The following TCF12 variants were observed in gnomAD, a reference collection of about 807,000 sequenced individuals.
The protein encoded by TCF12 is DNA-binding protein HTF4.
A neutral mutation model predicts 86.0 loss-of-function variants in TCF12; 45 were observed. The ratio of observed to expected loss-of-function variants is 0.52; its 90% CI spans 0.41 to 0.67. TCF12 has a LOEUF of 0.67. Among genes scored for constraint, TCF12 ranks in the 30% least tolerant of loss-of-function variants. The pLI is 0.00. For synonymous variants in TCF12, 330 were observed against 299.6 expected, an observed-to-expected ratio of 1.10 and a Z score of -1.05; for missense variants, 881 against 859.9, an observed-to-expected ratio of 1.02 and a Z score of -0.31.
intron 3 of TCF12, among the ~76,000 whole-genome samples, chr15:57,016,102 G>T (rs2065139405): frequency 6.6e-6 from 1 of 152,184 alleles, no homozygotes; most frequent in Non-Finnish European, 1.5e-5. Flanking sequence ...TACCCTGCAG[G>T]TAGTTTATCT....
At chr15:57,072,640 C>A in intron 4 of TCF12, 1 of 1,295,398 alleles carries the variant, frequency 7.7e-7, no homozygotes. Context: ...TATTTTATGC[C>A]TCTTGATCTC....
chr15:57,034,883 A>G (rs570910332), intron 3 of TCF12, among the ~76,000 whole-genome samples: 18 of 152,328 alleles, frequency 1.2e-4, no homozygotes, highest in African/African-American at 4.3e-4. Flanking sequence ...TACTATTTGA[A>G]CAGGCAGTGT....
rs902230912 is a variant in TCF12 at position 57,073,259 on chromosome 15, A to T, written c.222+9436A>T. On this transcript the variant is annotated intron_variant, in intron 4 of 20. Coordinates refer to ENST00000333725, the MANE Select transcript of TCF12 (RefSeq NM_207037.2). Reference sequence around the variant, plus strand: ...AATCTTCTAACTGTTCAGATTTTAAAGTTAACAAGTAAAAATCAAAGCATA... The same window carrying T: ...AATCTTCTAACTGTTCAGATTTTAATGTTAACAAGTAAAAATCAAAGCATA... Among the ~76,000 whole-genome samples the T allele has an allele frequency of 2.0e-5, 3 of 152,210 alleles. No individual in the cohort carries two copies. In the East Asian group the frequency reaches 5.8e-4, roughly 29 times the overall value.
intron 3 of TCF12, among the ~76,000 whole-genome samples, chr15:57,008,904 A>T (rs1054881077): frequency 5.9e-5 from 9 of 152,220 alleles, no homozygotes; most frequent in Non-Finnish European, 1.3e-4. Flanking sequence ...AAGAATTAAG[A>T]GGTAACTTTG....
At chr15:57,148,650 G>A (rs577842152) in intron 5 of TCF12, among the ~76,000 whole-genome samples, 1 of 150,994 alleles carries the variant, frequency 6.6e-6, no homozygotes, top group South Asian at 2.1e-4. Flanking sequence ...GGAGGCTGAG[G>A]TGGGTGGATC....
chr15:57,056,614 C>T (rs1041687279), intron 3 of TCF12, among the ~76,000 whole-genome samples: 1 of 152,170 alleles, frequency 6.6e-6, no homozygotes, highest in Admixed American at 6.5e-5. Context: ...AGCACACTGC[C>T]GTGCCTGGCT....
intron 8 of TCF12, 84 bp from the exon 9 acceptor site, chr15:57,231,068 C>G: frequency 1.0e-6 from 1 of 992,902 alleles, no homozygotes; most frequent in East Asian, 2.5e-5. Flanking sequence ...CCTTTTTAAG[C>G]CCCTTACAGA....
At chr15:57,012,630 A>G (rs2064900256) in intron 3 of TCF12, among the ~76,000 whole-genome samples, 1 of 152,178 alleles carries the variant, frequency 6.6e-6, no homozygotes, top group Admixed American at 6.5e-5. Context: ...GACAGAGGGA[A>G]AAGTTGAGTT....
At chr15:57,153,616 G>A (rs2053915659) in intron 5 of TCF12, among the ~76,000 whole-genome samples, 1 of 152,170 alleles carries the variant, frequency 6.6e-6, no homozygotes, top group Non-Finnish European at 1.5e-5. Flanking sequence ...AAAGATGGGA[G>A]GAAGGATTTA....
intron 4 of TCF12, among the ~76,000 whole-genome samples, chr15:57,064,322 C>G (rs1235946213): frequency 1.3e-5 from 2 of 152,078 alleles, no homozygotes; most frequent in Non-Finnish European, 2.9e-5. Flanking sequence ...ACCAAGTCAA[C>G]TTTCTACACA....
rs112113816 is a variant in TCF12 at position 56,927,940 on chromosome 15, G to A, written c.148+6842G>A. Among the ~76,000 whole-genome samples the A allele has an allele frequency of 8.0e-3, 1,212 of 152,302 alleles. 6 individuals are homozygous for A. The highest frequency in any genetic ancestry group is 0.014 in the Middle Eastern group (4 of 294). On this transcript the variant is annotated intron_variant, in intron 3 of 20. Transcript: ENST00000333725. ...CACATTTGTGCTTGTATACAAATGT[G>A]TTGTGTGGTGACTGGAGGGAATTCC... is the stretch of plus-strand genomic sequence containing the variant.
intron 16 of TCF12, among the ~76,000 whole-genome samples, chr15:57,260,155 A>G (rs2060523022): frequency 6.6e-6 from 1 of 152,220 alleles, no homozygotes; most frequent in African/African-American, 2.4e-5. Context: ...GTATTGTTCT[A>G]TAGTGTAAAA....
intron 3 of TCF12, among the ~76,000 whole-genome samples, chr15:57,004,971 T>G (rs573941862): frequency 3.0e-4 from 46 of 152,352 alleles, no homozygotes; most frequent in African/African-American, 1.1e-3. Flanking sequence ...AGAGGACTGT[T>G]TTTTCTTCCA....
At position 57,197,152 on chromosome 15, in the gene TCF12, C is replaced by CTTTTTTTTTTTTTTTTTTTT. The variant is rs138145337; in HGVS notation, c.527-619_527-600dup. Among the ~76,000 whole-genome samples the CTTTTTTTTTTTTTTTTTTTT allele has an allele frequency of 3.2e-4, 28 of 87,256 alleles. 4 individuals are homozygous for CTTTTTTTTTTTTTTTTTTTT. The highest frequency in any genetic ancestry group is 3.9e-4 in the African/African-American group (9 of 23,156). The allele number at this position is 87,256 out of a possible 152,430, so 57.2% of individuals were successfully genotyped here. Reference sequence around the variant, plus strand: ...TATAGTACCTGGCACAGAACAGCTTCTTTTTTTTTTTTTTTTTTTTTGAGA... The same window carrying CTTTTTTTTTTTTTTTTTTTT: ...TATAGTACCTGGCACAGAACAGCTTCTTTTTTTTTTTTTTTTTTTTTTTTTTTTTTTTTTTTTTTTTGAGA... On this transcript the variant is annotated intron_variant, in intron 7 of 20. Transcript: ENST00000333725.
At chr15:57,183,988 C>G (rs1482617945) in intron 6 of TCF12, among the ~76,000 whole-genome samples, 1 of 152,080 alleles carries the variant, frequency 6.6e-6, no homozygotes, top group Non-Finnish European at 1.5e-5. Flanking sequence ...TCTCTCAGCC[C>G]TTATTATGAC....
At chr15:57,054,934 G>A (rs1445732575) in intron 3 of TCF12, among the ~76,000 whole-genome samples, 1 of 151,482 alleles carries the variant, frequency 6.6e-6, no homozygotes, top group African/African-American at 2.4e-5. Flanking sequence ...CTTCCTTTAT[G>A]CTATAGTTAT....
chr15:56,943,226 T>A (rs1308378657), intron 3 of TCF12, among the ~76,000 whole-genome samples: 1 of 152,172 alleles, frequency 6.6e-6, no homozygotes, highest in African/African-American at 2.4e-5. Flanking sequence ...GATCACTATG[T>A]GAAGGACATT....
chr15:57,267,397 A>G (rs568690903), intron 18 of TCF12, among the ~76,000 whole-genome samples: 2 of 152,348 alleles, frequency 1.3e-5, no homozygotes, highest in East Asian at 3.9e-4. Context: ...AACTGTGTCA[A>G]GGAATTCAGA....
chr15:57,171,223 A>C (rs2055470418), intron 6 of TCF12, among the ~76,000 whole-genome samples: 2 of 151,518 alleles, frequency 1.3e-5, no homozygotes, highest in African/African-American at 4.8e-5. Context: ...CAGATGAGAG[A>C]AAGATACCTT....
Sources: gnomAD v4.1 joint callset for allele counts (sites outside exome capture counted in the v4.1 genomes callset) on GRCh38, gnomAD v4.1.1 for gene constraint, MANE v1.5 for transcripts, NCBI Gene and HGNC (gene_info 2026-07-23, HGNC 2026-07-21) for gene names.